Variants in B4GALNT2 observed in about 807,000 individuals in gnomAD.
B4GALNT2 encodes N-acetylneuraminylgalactosylglucosyl-glucoside beta-1,4-N- acetylgalactosaminyltransferase 2.
Under a neutral mutation model 51.1 loss-of-function variants are expected in B4GALNT2, and 42 were observed. The ratio of observed to expected loss-of-function variants is 0.82; its 90% CI spans 0.64 to 1.06. The LOEUF (loss-of-function observed/expected upper bound fraction) is 1.06, where lower values mean the gene tolerates loss of function less well. B4GALNT2 is among the 50% of genes least tolerant of loss of function. The probability of loss-of-function intolerance (pLI) is 0.00; values close to 1 mark genes in which losing one functional copy is unlikely to be tolerated. For synonymous variants in B4GALNT2, 253 were observed against 251.7 expected, an observed-to-expected ratio of 1.01 and a Z score of -0.05; for missense variants, 602 against 633.6, an observed-to-expected ratio of 0.95 and a Z score of 0.54.
At chr17:49,135,663 G>A (rs895492598) in intron 1 of B4GALNT2, among the ~76,000 whole-genome samples, 22 of 152,258 alleles carry the variant, frequency 1.4e-4, no homozygotes, top group Non-Finnish European at 2.5e-4. Context: ...AGCCTCTGTG[G>A]TGTGTGCCTA....
the B4GALNT2 span, among the ~76,000 whole-genome samples, chr17:49,120,726 T>C: frequency 6.6e-6 from 1 of 152,024 alleles, no homozygotes; most frequent in South Asian, 2.1e-4. Context: ...GCCAGGCTGG[T>C]CTCAAATTCC....
In B4GALNT2 at chr17:49,140,226, G is replaced by A. The variant is rs1382841302; in HGVS notation, c.15-1021G>A. ...CACCATTCTCCTGCCTCAGCCTCCC[G>A]AGTAGCTGGGACTACAGGCGTCCGC... On this transcript the variant is annotated intron_variant, in intron 1 of 10. Transcript: ENST00000393354. 1.3e-4 allele frequency among the ~76,000 whole-genome samples: 19 copies of A among 150,918 alleles called. No homozygotes were observed. In the South Asian group the frequency reaches 1.9e-3, roughly 15 times the overall value.
intron 2 of B4GALNT2, 115 bp from the exon 3 acceptor site, chr17:49,141,920 G>C: frequency 7.5e-7 from 1 of 1,339,114 alleles, no homozygotes; most frequent in South Asian, 1.3e-5. Flanking sequence ...AGAACAGTTG[G>C]GTGTAGGAAA....
chr17:49,142,185 A>G lies in B4GALNT2; in HGVS notation c.353+13A>G, dbSNP rs766316761. 6 of 1,613,984 alleles carry G rather than the reference A, an allele frequency of 3.7e-6. No individual in the cohort carries two copies. In the South Asian group the frequency reaches 4.4e-5, roughly 12 times the overall value. ...ACTTTCAGAGGAGGTAATGCGGGTC[A>G]TGAAGGCCCTTGGGTTCTGAGATGG... On this transcript the variant is annotated intron_variant, in intron 3 of 10. Coordinates refer to ENST00000393354, the MANE Select transcript of B4GALNT2 (RefSeq NM_001159387.2).
At chr17:49,125,935 C>A in the B4GALNT2 span, among the ~76,000 whole-genome samples, 1 of 149,942 alleles carries the variant, frequency 6.7e-6, no homozygotes. Context: ...GGTGCCTCTG[C>A]CCGACCGCCC....
At chr17:49,158,918 G>A in intron 5 of B4GALNT2, 119 bp from the exon 6 acceptor site, 1 of 1,194,062 alleles carries the variant, frequency 8.4e-7, no homozygotes, top group Non-Finnish European at 1.2e-6. Flanking sequence ...GCACCCTGGT[G>A]CTTCTCCCCT....
rs548265284 is a variant in B4GALNT2 at position 49,166,323 on chromosome 17, G to T, written c.1095+69G>T. 5.4e-5 allele frequency: 47 copies of T among 869,894 alleles called. No individual in the cohort carries two copies. The South Asian group carries it at 8.8e-4, about 16-fold the overall frequency. 53.9% of individuals were successfully genotyped at this position (869,894 alleles called of 1,614,324 possible). A position where few individuals can be genotyped will look rare whatever the true frequency, so the allele number is the denominator to read the frequency against. ...ATGGAGAAGAGGGGAGAAGAGAGCGGGAAGAAATATATAAGAGAAGAGGAG... is the reference window on the plus strand; with the variant it reads ...ATGGAGAAGAGGGGAGAAGAGAGCGTGAAGAAATATATAAGAGAAGAGGAG... On this transcript the variant is annotated intron_variant, in intron 9 of 10. Transcript: ENST00000393354.
intron 7 of B4GALNT2, among the ~76,000 whole-genome samples, chr17:49,161,947 T>C (rs902845207): frequency 3.3e-5 from 5 of 151,080 alleles, no homozygotes; most frequent in Admixed American, 2.0e-4. Context: ...AAAGAAAAAA[T>C]TAAAAATATA....
upstream of B4GALNT2, among the ~76,000 whole-genome samples, chr17:49,129,730 C>T (rs12149980): frequency 2.5e-3 from 381 of 151,636 alleles, 2 homozygotes; most frequent in African/African-American, 8.9e-3. Context: ...AAGTTTATTG[C>T]AGGGTTGGAA....
intron 2 of B4GALNT2, 22 bp from the exon 3 acceptor site, chr17:49,142,013 A>G (rs765222341): frequency 9.3e-6 from 15 of 1,613,640 alleles, no homozygotes; most frequent in Admixed American, 1.7e-5. Flanking sequence ...ATCCATGTTT[A>G]CAGTCCTCTT....
chr17:49,132,495 T>C (rs2042548017), upstream of B4GALNT2: 3 of 363,342 alleles, frequency 8.3e-6, no homozygotes, highest in Non-Finnish European at 9.8e-6. Context: ...GGACACAGCA[T>C]AGCGAGGAAG....
At chr17:49,160,766 C>A (rs1195492023) in intron 7 of B4GALNT2, 125 bp downstream of exon 7, 2 of 870,468 alleles carry the variant, frequency 2.3e-6, no homozygotes, top group Non-Finnish European at 3.7e-6. Context: ...TGCTCCCTGA[C>A]AAGCTTCGTT....
chr17:49,163,103 C>CAACTGCACAGT (rs1349376544), intron 7 of B4GALNT2, among the ~76,000 whole-genome samples: 68 of 152,140 alleles, frequency 4.5e-4, no homozygotes, highest in African/African-American at 1.5e-3. Context: ...GCAGACATGG[C>CAACTGCACAGT]AACTGCACAG....
chr17:49,156,570 C>G lies in B4GALNT2; in HGVS notation c.465C>G (p.Leu155=), dbSNP rs1479768312. Residue 155 remains leucine, a synonymous_variant, in exon 5 of 11, where the codon CTC becomes CTG. Coordinates refer to ENST00000393354, the MANE Select transcript of B4GALNT2 (RefSeq NM_001159387.2). ...MPLHTVPIPG[L]QFEGPDAPVY... ...CCTTTTCCCTGTGTCCTCCAGGCCT[C>G]CAGTTTGAAGGACCCGATGCCCCCG... 1.5e-5 allele frequency: 25 copies of G among 1,613,712 alleles called. No individual in the cohort carries two copies. The highest frequency in any genetic ancestry group is 1.9e-5 in the Non-Finnish European group (23 of 1,179,924).
chr17:49,143,901 A>G (rs1287032037), intron 3 of B4GALNT2, among the ~76,000 whole-genome samples: 1 of 152,140 alleles, frequency 6.6e-6, no homozygotes, highest in Non-Finnish European at 1.5e-5. Context: ...TAATTTCAGC[A>G]CTTTGGGAGG....
chr17:49,176,515 C>G lies in B4GALNT2; in HGVS notation c.*6787C>G, dbSNP rs2042989310. 6.6e-6 allele frequency: 1 copy of G among 152,240 alleles called. No homozygotes were observed. Among genetic ancestry groups the G allele is most frequent in the Non-Finnish European group, 1.5e-5 (1 of 68,048 alleles). The allele number at this position is 152,240 out of a possible 1,614,324, so 9.4% of individuals were successfully genotyped here. On this transcript the variant is annotated 3_prime_UTR_variant, in exon 11 of 11. Transcript: ENST00000393354. ...AGCTCGCTCATGCTATTGTTTGTGG[C>G]TTAGGAACACCTTAAGAGGTTTTCC...
intron 1 of B4GALNT2, among the ~76,000 whole-genome samples, chr17:49,134,779 C>G (rs1048802400): frequency 6.6e-6 from 1 of 152,132 alleles, no homozygotes; most frequent in African/African-American, 2.4e-5. Flanking sequence ...TTAGTAGAGA[C>G]AGGGTCTCAT....
At position 49,175,506 on chromosome 17, in the gene B4GALNT2, A is replaced by T. The variant is rs539593803; in HGVS notation, c.*5778A>T. ...AGATCTACCTAGAAGTAATCCTATCATCCCCCCGGCAAGCATCCACAGACC... is the reference window on the plus strand; with the variant it reads ...AGATCTACCTAGAAGTAATCCTATCTTCCCCCCGGCAAGCATCCACAGACC... On this transcript the variant is annotated 3_prime_UTR_variant, in exon 11 of 11. Transcript: ENST00000393354. The T allele has an allele frequency of 1.6e-4, 25 of 152,186 alleles. No homozygotes were observed. Among genetic ancestry groups the T allele is most frequent in the Non-Finnish European group, 4.4e-5 (3 of 68,042 alleles). 9.4% of individuals were successfully genotyped at this position (152,186 alleles called of 1,614,324 possible). A position where few individuals can be genotyped will look rare whatever the true frequency, so the allele number is the denominator to read the frequency against.
In B4GALNT2 at chr17:49,170,661, G is replaced by A. The variant is rs541374804; in HGVS notation, c.*933G>A. Reference sequence around the variant, plus strand: ...TTGGCAGATTGCCGAGACCAGCTTGGTCATGGAGACCCTAACCCAGTGGTG... The same window carrying A: ...TTGGCAGATTGCCGAGACCAGCTTGATCATGGAGACCCTAACCCAGTGGTG... On this transcript the variant is annotated 3_prime_UTR_variant, in exon 11 of 11. Coordinates refer to ENST00000393354, the MANE Select transcript of B4GALNT2 (RefSeq NM_001159387.2). The A allele has an allele frequency of 6.6e-6, 1 of 152,390 alleles. No homozygotes were observed. Among genetic ancestry groups the A allele is most frequent in the South Asian group, 2.1e-4 (1 of 4,828 alleles). The allele number at this position is 152,390 out of a possible 1,614,324, so 9.4% of individuals were successfully genotyped here.
Sources: allele counts gnomAD v4.1 joint callset (sites outside exome capture counted in the v4.1 genomes callset), GRCh38; gene constraint gnomAD v4.1.1; transcripts MANE v1.5; gene names NCBI Gene and HGNC (gene_info 2026-07-23, HGNC 2026-07-21).